Variants in EHD1 observed in about 807,000 individuals in gnomAD.
The protein encoded by EHD1 is EH domain containing 1, also known as EH domain-containing protein 1.
In EHD1, 19 loss-of-function variants were observed where a neutral mutation model predicts 39.0. The ratio of observed to expected loss-of-function variants is 0.49; its 90% CI spans 0.34 to 0.72. EHD1 has a LOEUF of 0.72. Ranked by LOEUF, EHD1 falls within the 30% of genes least tolerant of loss-of-function variation. The pLI is 0.01. For synonymous variants in EHD1, 323 were observed against 331.2 expected (o/e 0.98, Z 0.27); for missense variants, 542 against 751.5 (o/e 0.72, Z 3.26).
chr11:64,878,678 CG>C (rs1943918970), upstream of EHD1: 12 of 1,351,974 alleles, frequency 8.9e-6, no homozygotes, highest in South Asian at 2.1e-4. Context: ...TGGCGGCTAG[CG>C]CCGCCGCGGC....
chr11:64,879,561 T>C (rs989559690), upstream of EHD1: 1 of 1,548,016 alleles, frequency 6.5e-7, no homozygotes, highest in African/African-American at 1.4e-5. Context: ...CCTCTCGGGG[T>C]CACCACCATT....
At chr11:64,855,512 C>A in intron 3 of EHD1, 26 bp from the exon 4 acceptor site, 2 of 1,612,616 alleles carry the variant, frequency 1.2e-6, no homozygotes, top group Non-Finnish European at 1.7e-6. Context: ...GAGCATCAGG[C>A]GCTCTCTTGG....
At chr11:64,859,390 C>T (rs566847608) in intron 3 of EHD1, among the ~76,000 whole-genome samples, 72 of 152,210 alleles carry the variant, frequency 4.7e-4, no homozygotes, top group Admixed American at 7.9e-4. Context: ...CATAGTGGTG[C>T]GTGCCTGTGA....
At chr11:64,878,823 T>C, upstream of EHD1, 3 of 1,147,958 alleles carry the variant, frequency 2.6e-6, no homozygotes, top group Non-Finnish European at 3.2e-6. Context: ...CCGGGTGCCG[T>C]GGCAACCGCA....
At chr11:64,879,539 T>G, upstream of EHD1, 2 of 1,541,294 alleles carry the variant, frequency 1.3e-6, no homozygotes, top group Non-Finnish European at 1.8e-6. Context: ...AAAACCCAAA[T>G]ACTTCCACTT....
chr11:64,878,836 T>C, upstream of EHD1: 1 of 1,130,756 alleles, frequency 8.8e-7, no homozygotes, highest in Non-Finnish European at 1.1e-6. Context: ...CAACCGCACC[T>C]GTTTCGCCCC....
intron 3 of EHD1, 162 bp downstream of exon 3, chr11:64,859,762 G>T: frequency 9.8e-7 from 1 of 1,017,378 alleles, no homozygotes; most frequent in Non-Finnish European, 1.4e-6. Context: ...GCACGCGGGT[G>T]CTGACCAAAG....
At position 64,878,280 on chromosome 11, in the gene EHD1, A is replaced by G; in HGVS notation, c.185T>C (p.Leu62Pro). 6.2e-7 allele frequency: 1 copy of G among 1,614,162 alleles called. No individual in the cohort carries two copies. Among genetic ancestry groups the G allele is most frequent in the Non-Finnish European group, 8.5e-7 (1 of 1,180,022 alleles). The change falls in exon 1 of 5, where the codon CTC becomes CCC. Residue 62 changes from leucine (L) to proline (P), a missense_variant. Physicochemically the swap from Leu to Pro is moderately conservative, Grantham distance 98. Coordinates refer to ENST00000320631, the MANE Select transcript of EHD1 (RefSeq NM_006795.4). ...GCCCGTGCTGTACTGCCCCACGAGGAGCACCATAGGCTTGTTGTCGAAGTC... is the reference window on the plus strand; with the variant it reads ...GCCCGTGCTGTACTGCCCCACGAGGGGCACCATAGGCTTGTTGTCGAAGTC... ...DADFDNKPMV[L>P]LVGQYSTGKT...
At chr11:64,867,901 T>C (rs1592750964) in intron 2 of EHD1, among the ~76,000 whole-genome samples, 1 of 152,148 alleles carries the variant, frequency 6.6e-6, no homozygotes, top group Admixed American at 6.5e-5. Flanking sequence ...TGCACGCAGG[T>C]GCCTCTCATG....
At position 64,855,210 on chromosome 11, in the gene EHD1, G is replaced by A. The variant is rs1489961097; in HGVS notation, c.1080+112C>T. On this transcript the variant is annotated intron_variant, in intron 4 of 4. Coordinates refer to ENST00000320631, the MANE Select transcript of EHD1 (RefSeq NM_006795.4). ...GCTGGTGATTAACCCAGCTGCTTCC[G>A]TTCAGGGAGGCCCTTCCCCATGGAG... 8.3e-6 allele frequency: 12 copies of A among 1,444,184 alleles called. No homozygotes were observed. In the East Asian group the frequency reaches 9.7e-5, roughly 12 times the overall value. The allele number at this position is 1,444,184 out of a possible 1,614,324, so 89.5% of individuals were successfully genotyped here. A position where few individuals can be genotyped will look rare whatever the true frequency, so the allele number is the denominator to read the frequency against.
intron 1 of EHD1, among the ~76,000 whole-genome samples, chr11:64,877,178 G>A (rs140265705): frequency 1.3e-5 from 2 of 152,310 alleles, no homozygotes; most frequent in East Asian, 1.9e-4. Context: ...GGACGGGCAT[G>A]TCTCGAGTTT....
chr11:64,862,502 G>A (rs1040689857), intron 2 of EHD1, among the ~76,000 whole-genome samples: 3 of 152,188 alleles, frequency 2.0e-5, no homozygotes, highest in South Asian at 2.1e-4. Flanking sequence ...GAAGCACCTC[G>A]GGTTCAGAGA....
intron 2 of EHD1, among the ~76,000 whole-genome samples, chr11:64,861,409 G>A (rs552168197): frequency 2.2e-4 from 33 of 152,336 alleles, no homozygotes; most frequent in African/African-American, 7.7e-4. Context: ...GCACAGCACA[G>A]AGGGTAGAAC....
intron 3 of EHD1, among the ~76,000 whole-genome samples, chr11:64,859,375 C>T (rs940509658): frequency 7.9e-5 from 12 of 152,122 alleles, no homozygotes; most frequent in Non-Finnish European, 1.8e-4. Context: ...CAAAAATCAG[C>T]TGGGCATAGT....
chr11:64,877,344 C>T (rs1289378766), intron 1 of EHD1, among the ~76,000 whole-genome samples: 1 of 152,162 alleles, frequency 6.6e-6, no homozygotes, highest in Admixed American at 6.5e-5. Flanking sequence ...GGTGAAGGAA[C>T]CTCAGATTCT....
chr11:64,867,898 A>G lies in EHD1; in HGVS notation c.502+6523T>C, dbSNP rs146919073. ...TGGCACCTCAGGGTAGCGTGCACGCAGGTGCCTCTCATGGCGACCCGCGTC... is the reference window on the plus strand; with the variant it reads ...TGGCACCTCAGGGTAGCGTGCACGCGGGTGCCTCTCATGGCGACCCGCGTC... On this transcript the variant is annotated intron_variant, in intron 2 of 4. Coordinates refer to ENST00000320631, the MANE Select transcript of EHD1 (RefSeq NM_006795.4). Among the ~76,000 whole-genome samples, 751 of 152,360 alleles carry G rather than the reference A, an allele frequency of 4.9e-3. 5 individuals carry two copies. The highest frequency in any genetic ancestry group is 7.1e-3 in the Non-Finnish European group (486 of 68,034).
chr11:64,878,814 C>T, upstream of EHD1: 5 of 1,173,340 alleles, frequency 4.3e-6, no homozygotes, highest in Non-Finnish European at 5.3e-6. Context: ...GGCTGTGGTC[C>T]GGGTGCCGTG....
At chr11:64,874,219 G>T (rs191939255) in intron 2 of EHD1, among the ~76,000 whole-genome samples, 2,524 of 148,094 alleles carry the variant, frequency 0.017, 78 homozygotes, top group African/African-American at 0.059. Flanking sequence ...CAGGAGAATC[G>T]CTTGAACCCA....
intron 3 of EHD1, chr11:64,855,803 A>C (rs1943644801): frequency 2.8e-6 from 1 of 363,270 alleles, no homozygotes; most frequent in Non-Finnish European, 5.2e-6. Context: ...CCAGTCTGTC[A>C]ACCCAAAGAA....
Sources: allele counts gnomAD v4.1 joint callset (sites outside exome capture counted in the v4.1 genomes callset), GRCh38; gene constraint gnomAD v4.1.1; transcripts MANE v1.5; gene names NCBI Gene and HGNC (gene_info 2026-07-23, HGNC 2026-07-21).